The following ESYT3 variants were observed in gnomAD, a reference collection of about 807,000 sequenced individuals.
ESYT3 encodes the protein extended synaptotagmin 3.
In ESYT3, 101 loss-of-function variants were observed where a neutral mutation model predicts 111.5. The ratio of observed to expected loss-of-function variants is 0.91; its 90% confidence interval spans 0.77 to 1.07. The LOEUF is 1.07. Among genes scored for constraint, ESYT3 ranks in the 50% least tolerant of loss-of-function variants. The pLI is 0.00. For missense variants in ESYT3, 1,097 were observed against 1,109.4 expected (o/e 0.99, Z 0.16); for synonymous variants, 416 against 446.8 (o/e 0.93, Z 0.87).
At chr3:138,455,677 C>T (rs1331561688) in intron 3 of ESYT3, among the ~76,000 whole-genome samples, 1 of 152,212 alleles carries the variant, frequency 6.6e-6, no homozygotes, top group Non-Finnish European at 1.5e-5. Context: ...TAGTTGCTAA[C>T]CTCAGAGCCG....
At chr3:138,469,579 G>A (rs1180485246) in intron 15 of ESYT3, 75 bp downstream of exon 15, 2 of 1,286,938 alleles carry the variant, frequency 1.6e-6, no homozygotes, top group Non-Finnish European at 2.2e-6. Flanking sequence ...AGGCAAAAGG[G>A]AGGGGAATTA....
intron 14 of ESYT3, 44 bp downstream of exon 14, chr3:138,468,925 A>AG: frequency 6.3e-7 from 1 of 1,594,906 alleles, no homozygotes; most frequent in Non-Finnish European, 8.6e-7. Flanking sequence ...GGCAAATCAC[A>AG]GCTTCTCTCC....
Position 138,459,221 on chromosome 3 carries a change from C to G in ESYT3, c.616C>G (p.Gln206Glu), listed in dbSNP as rs907444913. The change falls in exon 5 of 23, where the codon CAG becomes GAG. Residue 206 changes from glutamine (Q) to glutamate (E), a missense_variant. Transcript: ENST00000389567. ...GGACTGTGAGATCAGTGTGGAGCTG[C>G]AGAAGATTCAGGCTGGTGTGAACGG... Reference protein sequence around the residue: ...IGDCEISVELQKIQAGVNGIQ... With the variant: ...IGDCEISVELEKIQAGVNGIQ... 14 of 1,559,262 alleles carry G rather than the reference C, an allele frequency of 9.0e-6. No homozygotes were observed. The highest frequency in any genetic ancestry group is 1.2e-5 in the Non-Finnish European group (14 of 1,146,058).
chr3:138,465,498 C>T (rs919018312), intron 10 of ESYT3, 77 bp downstream of exon 10: 3 of 1,179,414 alleles, frequency 2.5e-6, no homozygotes, highest in South Asian at 1.4e-5. Flanking sequence ...TACCCTGCTC[C>T]TACCACTTAA....
In ESYT3 at chr3:138,452,044, C is replaced by G; in HGVS notation, c.328-4C>G. The stretch of plus-strand genomic sequence containing the variant: ...CTAACTTCCCCTCGGGGCTTCTTTC[C>G]TAGATCCACTTCCCGGACGTGGAGC... On this transcript the variant is annotated splice_region_variant and splice_polypyrimidine_tract_variant and intron_variant, in intron 1 of 22. Coordinates refer to ENST00000389567, the MANE Select transcript of ESYT3 (RefSeq NM_031913.5). The G allele has an allele frequency of 6.2e-7, 1 of 1,613,636 alleles. No homozygotes were observed. The highest frequency in any genetic ancestry group is 1.1e-5 in the South Asian group (1 of 91,088).
intron 1 of ESYT3, among the ~76,000 whole-genome samples, chr3:138,442,798 G>A (rs552796810): frequency 1.1e-4 from 16 of 152,306 alleles, no homozygotes; most frequent in East Asian, 7.7e-4. Context: ...AATGCCTGCC[G>A]TGTAAATCTT....
rs1167028982 is a variant in ESYT3, at chr3:138,476,242, A to G, written c.2488A>G (p.Met830Val). The G allele has an allele frequency of 6.2e-7, 1 of 1,612,950 alleles. No homozygotes were observed. Among genetic ancestry groups the G allele is most frequent in the South Asian group, 1.1e-5 (1 of 90,978 alleles). ...CTAAAGATTTGAATTTTTTGTTCCC[A>G]TGGAAGAAGTAAAGAAGAGGTCACT... is the stretch of plus-strand genomic sequence containing the variant. Reference protein sequence around the residue: ...FDETFEFFVPMEEVKKRSLDV... With the variant: ...FDETFEFFVPVEEVKKRSLDV... Residue 830 changes from methionine to valine, a missense_variant, in exon 21 of 23, where the codon ATG becomes GTG. Coordinates refer to ENST00000389567, the MANE Select transcript of ESYT3 (RefSeq NM_031913.5).
At chr3:138,457,858 C>T (rs1057406574) in intron 4 of ESYT3, among the ~76,000 whole-genome samples, 4 of 152,116 alleles carry the variant, frequency 2.6e-5, no homozygotes, top group African/African-American at 4.8e-5. Flanking sequence ...ACCTGGGTCA[C>T]TTGGAGAGTC....
intron 16 of ESYT3, 27 bp downstream of exon 16, chr3:138,470,173 CAG>C (rs762742374): frequency 7.5e-6 from 12 of 1,606,758 alleles, no homozygotes; most frequent in Non-Finnish European, 1.0e-5. Context: ...GCTCTTGAAA[CAG>C]AGTTAAGAGG....
At chr3:138,481,530 C>T (rs1263870180), downstream of ESYT3, 1 of 151,860 alleles carries the variant, frequency 6.6e-6, no homozygotes, top group Non-Finnish European at 1.5e-5. Context: ...CCATGCCAGG[C>T]TAATTTTTTG....
intron 8 of ESYT3, 151 bp downstream of exon 8, chr3:138,462,357 A>C (rs2032695469): frequency 9.0e-7 from 1 of 1,106,790 alleles, no homozygotes; most frequent in Non-Finnish European, 1.3e-6. Flanking sequence ...CGTCATAATT[A>C]CTAAAGACAT....
At chr3:138,474,547 C>T (rs1286147129) in intron 20 of ESYT3, 195 bp downstream of exon 20, 5 of 497,708 alleles carry the variant, frequency 1.0e-5, no homozygotes, top group Non-Finnish European at 1.3e-5. Flanking sequence ...AAAATGGCCA[C>T]CTACATTTAC....
chr3:138,474,576 T>C (rs1038474521), intron 20 of ESYT3: 3 of 398,318 alleles, frequency 7.5e-6, no homozygotes, highest in African/African-American at 6.2e-5. Flanking sequence ...GAGGCTAAAG[T>C]GTTCCTGAAT....
chr3:138,462,461 C>T (rs1189618145), intron 8 of ESYT3: 9 of 557,214 alleles, frequency 1.6e-5, no homozygotes, highest in Admixed American at 3.1e-5. Flanking sequence ...TGACAACTGA[C>T]CATGAATATT....
Position 138,467,613 on chromosome 3 carries a change from C to G in ESYT3, c.1218+4C>G. On this transcript the variant is annotated splice_donor_region_variant and intron_variant, in intron 11 of 22. Transcript: ENST00000389567. ...GACCAACAGAGTGGTGGATGAGGTA[C>G]AGTTGGTGCTTGCAACCCTCGGGGG... 6.2e-7 allele frequency: 1 copy of G among 1,614,032 alleles called. No homozygotes were observed. Among genetic ancestry groups the G allele is most frequent in the South Asian group, 1.1e-5 (1 of 91,068 alleles).
intron 9 of ESYT3, among the ~76,000 whole-genome samples, chr3:138,465,094 G>T (rs2032855832): frequency 6.6e-6 from 1 of 152,200 alleles, no homozygotes; most frequent in Non-Finnish European, 1.5e-5. Context: ...GACACCGCAT[G>T]GCCCATGCAG....
rs1291291920 is a variant in ESYT3 at position 138,472,597 on chromosome 3, T to G, written c.1975T>G (p.Ser659Ala). 4 of 1,613,994 alleles carry G rather than the reference T, an allele frequency of 2.5e-6. No homozygotes were observed. In the Admixed American group the frequency reaches 6.7e-5, roughly 27 times the overall value. The change falls in exon 18 of 23, where the codon TCC (serine) becomes GCC (alanine). Residue 659 changes from serine to alanine, a missense_variant. By Grantham distance (99) the Ser-to-Ala change is moderately conservative. Coordinates refer to ENST00000389567, the MANE Select transcript of ESYT3 (RefSeq NM_031913.5). ...TACCACCGTTGCCACTGAGCCCACATCCCAAGAGACAGGCCCAGAGCCTAA... is the reference window on the plus strand; with the variant it reads ...TACCACCGTTGCCACTGAGCCCACAGCCCAAGAGACAGGCCCAGAGCCTAA... The part of the protein sequence containing the change: ...SATTVATEPT[S>A]QETGPEPKGK...
rs2108586104 is a variant in ESYT3, at chr3:138,435,660, G to A, written c.327+535G>A. Among the ~76,000 whole-genome samples the A allele has an allele frequency of 6.6e-6, 1 of 151,604 alleles. No individual in the cohort carries two copies. The highest frequency in any genetic ancestry group is 2.0e-4 in the East Asian group (1 of 5,100). On this transcript the variant is annotated intron_variant, in intron 1 of 22. Transcript: ENST00000389567. The surrounding 1 kb of genome is among the most constrained non-coding windows in gnomAD (Gnocchi z 4.8). Reference sequence around the variant, plus strand: ...CGGGTACGGCTGGGAGACCGACGGCGCCGGGCCCCGGGCCTCCTTCCCTCC... The same window carrying A: ...CGGGTACGGCTGGGAGACCGACGGCACCGGGCCCCGGGCCTCCTTCCCTCC...
Position 138,468,095 on chromosome 3 carries a change from TACCCCACA to T in ESYT3, c.1219-9_1219-2del. 6.2e-7 allele frequency: 1 copy of T among 1,614,022 alleles called. No individual in the cohort carries two copies. Among genetic ancestry groups the T allele is most frequent in the Non-Finnish European group, 8.5e-7 (1 of 1,179,922 alleles). ...CCCTTTTCCCTGAGCTTTCTGCCCC[TACCCCACA>T]GTGGTTTGTCCTGAATGACACAACC... On this transcript the variant is annotated splice_acceptor_variant and splice_polypyrimidine_tract_variant and intron_variant, in intron 11 of 22. Coordinates refer to ENST00000389567, the MANE Select transcript of ESYT3 (RefSeq NM_031913.5). LOFTEE classifies it high-confidence loss of function.
Sources: gnomAD v4.1 joint callset for allele counts (sites outside exome capture counted in the v4.1 genomes callset) on GRCh38, gnomAD v4.1.1 for gene constraint, Gnocchi (gnomAD v3.1) non-coding constraint, MANE v1.5 for transcripts, NCBI Gene and HGNC (gene_info 2026-07-23, HGNC 2026-07-21) for gene names.